Variants in ANKRD11 observed in about 807,000 individuals in gnomAD.
ANKRD11 encodes ankyrin repeat domain 11.
A neutral mutation model predicts 195.7 loss-of-function variants in ANKRD11; 17 were observed. That is an observed-to-expected ratio of 0.09 (90% CI 0.06 to 0.13). ANKRD11 has a LOEUF of 0.13. Ranked by LOEUF, ANKRD11 falls within the 10% of genes least tolerant of loss-of-function variation. The pLI, the probability that ANKRD11 is intolerant of heterozygous loss-of-function variation, is 1.00. For missense variants in ANKRD11, 3,735 were observed against 3,566.1 expected (o/e 1.05, Z -1.21); for synonymous variants, 1,953 against 1,528.1 (o/e 1.28, Z -6.49).
At chr16:89,402,849 G>T (rs551834965) in intron 2 of ANKRD11, among the ~76,000 whole-genome samples, 4 of 151,288 alleles carry the variant, frequency 2.6e-5, no homozygotes, top group Admixed American at 2.6e-4. Context: ...GGAGGTGGGC[G>T]GGGTGGGGCC....
chr16:89,315,503 C>T (rs965530439), intron 3 of ANKRD11, among the ~76,000 whole-genome samples: 1 of 152,184 alleles, frequency 6.6e-6, no homozygotes, highest in Non-Finnish European at 1.5e-5. Flanking sequence ...TCACGACCAC[C>T]AAACCCTGAC....
intron 1 of ANKRD11, among the ~76,000 whole-genome samples, chr16:89,454,261 A>G (rs1430459400): frequency 6.6e-6 from 1 of 151,918 alleles, no homozygotes; most frequent in Non-Finnish European, 1.5e-5. Flanking sequence ...ACAGACCACA[A>G]CTTCTGCAGG....
In ANKRD11 at chr16:89,280,997, C is replaced by A; in HGVS notation, c.5545G>T (p.Gly1849Trp). 1 of 1,580,578 alleles carries A rather than the reference C, an allele frequency of 6.3e-7. No individual in the cohort carries two copies. Among genetic ancestry groups the A allele is most frequent in the Non-Finnish European group, 8.6e-7 (1 of 1,161,598 alleles). ...PAEKFACLSPGYYSPDYGLPS... is the reference protein window; with the variant it reads ...PAEKFACLSPWYYSPDYGLPS... ...AGGCCATAGTCTGGGGAGTAGTACC[C>A]TGGCGACAAGCAGGCAAACTTCTCC... is the stretch of plus-strand genomic sequence containing the variant. The change falls in exon 9 of 13, where the codon GGG (glycine) becomes TGG (tryptophan). Residue 1849 changes from glycine to tryptophan, a missense_variant. Coordinates refer to ENST00000301030, the MANE Select transcript of ANKRD11 (RefSeq NM_013275.6).
At chr16:89,287,677 A>G (rs1450921938) in intron 7 of ANKRD11, 3 of 158,044 alleles carry the variant, frequency 1.9e-5, no homozygotes, top group Non-Finnish European at 4.2e-5. Flanking sequence ...TTTAACGGTC[A>G]TATTTTAACA....
At chr16:89,304,525 C>A (rs2036052403) in intron 4 of ANKRD11, among the ~76,000 whole-genome samples, 1 of 146,246 alleles carries the variant, frequency 6.8e-6, no homozygotes, top group East Asian at 2.0e-4. Flanking sequence ...CACATACAGG[C>A]ACACACATGG....
chr16:89,293,404 T>C (rs999465687), intron 4 of ANKRD11, among the ~76,000 whole-genome samples: 4 of 149,704 alleles, frequency 2.7e-5, no homozygotes, highest in African/African-American at 7.4e-5. Flanking sequence ...TGGGGCAGAG[T>C]TGGGGTTGCG....
intron 2 of ANKRD11, among the ~76,000 whole-genome samples, chr16:89,337,425 A>AT (rs1223858974): frequency 1.4e-5 from 1 of 73,262 alleles, no homozygotes; most frequent in Non-Finnish European, 2.8e-5. Context: ...TGGTCTAAGC[A>AT]ATTCTTTTTT....
At position 89,273,971 on chromosome 16, in the gene ANKRD11, T is replaced by C. The variant is rs149210057; in HGVS notation, c.7713+843A>G. The stretch of plus-strand genomic sequence containing the variant: ...TCCAGGCACGTCCCACTGCACAGGA[T>C]GTGGGGCCTGGGGTCCAGGGAGCCC... On this transcript the variant is annotated intron_variant, in intron 11 of 12. Transcript: ENST00000301030. Among the ~76,000 whole-genome samples the C allele has an allele frequency of 1.2e-4, 19 of 152,054 alleles. No individual in the cohort carries two copies. The East Asian group carries it at 3.7e-3, about 30-fold the overall frequency.
chr16:89,396,620 C>CACA (rs2041443900), intron 2 of ANKRD11, among the ~76,000 whole-genome samples: 1 of 152,118 alleles, frequency 6.6e-6, no homozygotes, highest in Non-Finnish European at 1.5e-5. Flanking sequence ...CTGCTGTCTT[C>CACA]TATGAAGCCA....
At chr16:89,322,904 T>C (rs928107733) in intron 2 of ANKRD11, among the ~76,000 whole-genome samples, 3 of 152,214 alleles carry the variant, frequency 2.0e-5, no homozygotes, top group African/African-American at 7.2e-5. Context: ...AGTGCAGCGG[T>C]GTGATCACAG....
chr16:89,270,394 G>A (rs898925328), intron 12 of ANKRD11: 5 of 292,136 alleles, frequency 1.7e-5, no homozygotes, highest in East Asian at 8.8e-5. Context: ...AGGGTGTCCC[G>A]GTGAGCAGCC....
At chr16:89,277,171 TCTG>T (rs898369477) in intron 9 of ANKRD11, among the ~76,000 whole-genome samples, 3 of 152,322 alleles carry the variant, frequency 2.0e-5, no homozygotes, top group Admixed American at 1.3e-4. Context: ...CAGTGAGGGT[TCTG>T]CTGAGATGGG....
chr16:89,469,966 T>G (rs1004621862), intron 1 of ANKRD11, among the ~76,000 whole-genome samples: 6 of 150,296 alleles, frequency 4.0e-5, no homozygotes, highest in Non-Finnish European at 8.9e-5. Flanking sequence ...AGCGCAGTGG[T>G]GCGATCTCGG....
chr16:89,314,548 G>A lies in ANKRD11; in HGVS notation c.87+2385C>T, dbSNP rs372112144. 3.0e-4 allele frequency among the ~76,000 whole-genome samples: 45 copies of A among 152,188 alleles called. No individual in the cohort carries two copies. The South Asian group carries it at 3.9e-3, about 13-fold the overall frequency. On this transcript the variant is annotated intron_variant, in intron 3 of 12. Coordinates refer to ENST00000301030, the MANE Select transcript of ANKRD11 (RefSeq NM_013275.6). The stretch of plus-strand genomic sequence containing the variant: ...CTCTGTGGCTCTTCCGGCCTTTCTC[G>A]TCTCGTGCTACCCTGCCGAGACTGC...
rs1214901940 is a variant in ANKRD11 at position 89,280,844 on chromosome 16, C to T, written c.5698G>A (p.Val1900Ile). 3 of 1,602,466 alleles carry T rather than the reference C, an allele frequency of 1.9e-6. No individual in the cohort carries two copies. The highest frequency in any genetic ancestry group is 3.4e-5 in the Admixed American group (2 of 59,350). ...PSPSPRAELLVPSLEGALPPD... is the reference protein window; with the variant it reads ...PSPSPRAELLIPSLEGALPPD... ...GGAAGGGCCCCTTCGAGGGAAGGAACCAGCAGCTCGGCTCTGGGGGAAGGG... is the reference window on the plus strand; with the variant it reads ...GGAAGGGCCCCTTCGAGGGAAGGAATCAGCAGCTCGGCTCTGGGGGAAGGG... Residue 1900 changes from valine (V) to isoleucine (I), a missense_variant, in exon 9 of 13, where the codon GTT becomes ATT. Coordinates refer to ENST00000301030, the MANE Select transcript of ANKRD11 (RefSeq NM_013275.6).
chr16:89,479,725 C>T (rs906458253), intron 1 of ANKRD11, among the ~76,000 whole-genome samples: 2 of 151,716 alleles, frequency 1.3e-5, no homozygotes, highest in Admixed American at 1.3e-4. Context: ...GGGCGGATCA[C>T]GAGTTCAGGA....
chr16:89,319,160 C>G (rs1385730431), intron 2 of ANKRD11, among the ~76,000 whole-genome samples: 3 of 152,220 alleles, frequency 2.0e-5, no homozygotes, highest in Non-Finnish European at 4.4e-5. Context: ...GTCCTGATCC[C>G]AGATGTGAGT....
intron 1 of ANKRD11, among the ~76,000 whole-genome samples, chr16:89,475,398 A>T (rs2057222759): frequency 6.6e-6 from 1 of 152,196 alleles, no homozygotes; most frequent in Non-Finnish European, 1.5e-5. Context: ...AAAGCCCCGT[A>T]ACCCACCACG....
intron 1 of ANKRD11, among the ~76,000 whole-genome samples, chr16:89,432,998 T>TCACA (rs142049824): frequency 3.3e-3 from 468 of 140,078 alleles, no homozygotes; most frequent in African/African-American, 0.011. Flanking sequence ...CTCCTCTCTC[T>TCACA]CACACACACA....
Sources: allele counts gnomAD v4.1 joint callset (sites outside exome capture counted in the v4.1 genomes callset), GRCh38; gene constraint gnomAD v4.1.1; transcripts MANE v1.5; gene names NCBI Gene and HGNC (gene_info 2026-07-23, HGNC 2026-07-21).